Variants in NNMT observed in about 807,000 individuals in gnomAD.
NNMT encodes nicotinamide N-methyltransferase.
In NNMT, 10 loss-of-function variants were observed where a neutral mutation model predicts 11.7. That is an observed-to-expected ratio of 0.85 (90% CI 0.53 to 1.45). NNMT has a LOEUF of 1.45. NNMT is among the 40% of genes most tolerant of loss of function. The pLI, the probability that NNMT is intolerant of heterozygous loss-of-function variation, is 0.00. For synonymous variants in NNMT, 143 were observed against 133.8 expected, an observed-to-expected ratio of 1.07 and a Z score of -0.48; for missense variants, 381 against 319.4, an observed-to-expected ratio of 1.19 and a Z score of -1.47.
chr11:114,288,469 G>A (rs903563703), intron 2 of NNMT, among the ~76,000 whole-genome samples: 1 of 151,606 alleles, frequency 6.6e-6, no homozygotes, highest in Non-Finnish European at 1.5e-5. Context: ...TCTGTTGAAT[G>A]GATCAGAAGA....
At chr11:114,286,082 C>T (rs766080145) in intron 2 of NNMT, among the ~76,000 whole-genome samples, 4 of 152,140 alleles carry the variant, frequency 2.6e-5, no homozygotes, top group Admixed American at 6.5e-5. Context: ...TTGCAGAGAT[C>T]GTTGTTTATC....
upstream of NNMT, among the ~76,000 whole-genome samples, chr11:114,293,383 A>G (rs1322338997): frequency 1.3e-5 from 2 of 152,118 alleles, no homozygotes; most frequent in Non-Finnish European, 1.5e-5. Flanking sequence ...GAGCAGGATC[A>G]ATGACTGATC....
intron 2 of NNMT, among the ~76,000 whole-genome samples, chr11:114,301,368 A>C (rs1022341790): frequency 1.3e-5 from 2 of 152,242 alleles, no homozygotes; most frequent in African/African-American, 4.8e-5. Context: ...GGAAGCAACC[A>C]AGATGTCTTT....
intron 2 of NNMT, among the ~76,000 whole-genome samples, chr11:114,264,790 T>G (rs1271819990): frequency 1.3e-5 from 2 of 152,230 alleles, no homozygotes; most frequent in Non-Finnish European, 2.9e-5. Context: ...TAGGGAAACA[T>G]CTACATTTAC....
intron 2 of NNMT, 70 bp downstream of exon 2, chr11:114,298,228 A>G: frequency 7.5e-7 from 1 of 1,334,840 alleles, no homozygotes; most frequent in Non-Finnish European, 1.1e-6. Context: ...AGCAACAGAC[A>G]GATAGGGACC....
At chr11:114,302,223 G>T (rs751198883) in intron 2 of NNMT, among the ~76,000 whole-genome samples, 1 of 152,026 alleles carries the variant, frequency 6.6e-6, no homozygotes, top group African/African-American at 2.4e-5. Flanking sequence ...CCATCTGATT[G>T]TTGTTCACCT....
At chr11:114,306,525 A>G (rs1259551487) in intron 2 of NNMT, among the ~76,000 whole-genome samples, 1 of 152,154 alleles carries the variant, frequency 6.6e-6, no homozygotes, top group Non-Finnish European at 1.5e-5. Context: ...TAATTTTTGC[A>G]TAAGGTGTAA....
chr11:114,263,164 C>T (rs1262365398), intron 2 of NNMT, among the ~76,000 whole-genome samples: 1 of 152,188 alleles, frequency 6.6e-6, no homozygotes, highest in African/African-American at 2.4e-5. Context: ...CCTGAATTCT[C>T]TGGCACAGCT....
chr11:114,283,052 G>A (rs1471972814), intron 2 of NNMT, among the ~76,000 whole-genome samples: 2 of 152,158 alleles, frequency 1.3e-5, no homozygotes, highest in Non-Finnish European at 2.9e-5. Context: ...CCGATACAGG[G>A]AACCTCATGC....
At chr11:114,261,288 A>G (rs1945078321) in intron 1 of NNMT, among the ~76,000 whole-genome samples, 2 of 152,114 alleles carry the variant, frequency 1.3e-5, no homozygotes, top group African/African-American at 4.8e-5. Flanking sequence ...ATCCCCTTAA[A>G]AGCTGCCTTG....
At chr11:114,287,963 A>T (rs1459709521) in intron 2 of NNMT, among the ~76,000 whole-genome samples, 3 of 152,024 alleles carry the variant, frequency 2.0e-5, no homozygotes, top group African/African-American at 7.2e-5. Flanking sequence ...AGTTTGCTGG[A>T]TTTATTCTTA....
intron 2 of NNMT, among the ~76,000 whole-genome samples, chr11:114,301,622 ATAAATAGG>A (rs1443969968): frequency 6.6e-6 from 1 of 152,084 alleles, no homozygotes; most frequent in Non-Finnish European, 1.5e-5. Flanking sequence ...GGAGGGAGAG[ATAAATAGG>A]TGGAGTATAG....
chr11:114,308,258 C>T (rs1469103952), intron 2 of NNMT, among the ~76,000 whole-genome samples: 1 of 152,194 alleles, frequency 6.6e-6, no homozygotes, highest in East Asian at 1.9e-4. Flanking sequence ...GACCTCCACG[C>T]TTACTTAGCC....
At chr11:114,261,121 C>G (rs117413162) in intron 1 of NNMT, among the ~76,000 whole-genome samples, 1 of 152,298 alleles carries the variant, frequency 6.6e-6, no homozygotes, top group Non-Finnish European at 1.5e-5. Context: ...ACATTTATTT[C>G]CAGAACAGGA....
At chr11:114,295,661 C>T (rs907528066), upstream of NNMT, among the ~76,000 whole-genome samples, 1 of 152,014 alleles carries the variant, frequency 6.6e-6, no homozygotes, top group Non-Finnish European at 1.5e-5. Context: ...GATCTCCTGA[C>T]CTCGTGATCT....
At position 114,258,773 on chromosome 11, in the gene NNMT, G is replaced by A. The variant is rs111956586; in HGVS notation, c.-217+895G>A. 7.6e-4 allele frequency among the ~76,000 whole-genome samples: 115 copies of A among 152,290 alleles called. 1 individual carries two copies. Among genetic ancestry groups the A allele is most frequent in the Admixed American group, 1.8e-3 (27 of 15,308 alleles). On this transcript the variant is annotated intron_variant, in intron 1 of 4. Coordinates refer to the NNMT transcript ENST00000535401. Reference sequence around the variant, plus strand: ...GAGCCCCTGCTCAGCACCCAACTTCGTCTTAAGATCACTCTTGAGCCCCTC... The same window carrying A: ...GAGCCCCTGCTCAGCACCCAACTTCATCTTAAGATCACTCTTGAGCCCCTC...
chr11:114,288,128 A>G (rs1237992268), intron 2 of NNMT, among the ~76,000 whole-genome samples: 1 of 152,134 alleles, frequency 6.6e-6, no homozygotes, highest in Non-Finnish European at 1.5e-5. Context: ...CTTGTAGATT[A>G]TTTTTCATTC....
At chr11:114,309,018 C>T (rs548453079) in intron 2 of NNMT, among the ~76,000 whole-genome samples, 26 of 152,252 alleles carry the variant, frequency 1.7e-4, no homozygotes, top group Non-Finnish European at 3.8e-4. Context: ...TAGCTTAATA[C>T]GCAATAGGGC....
intron 2 of NNMT, among the ~76,000 whole-genome samples, chr11:114,278,594 G>A (rs1469413662): frequency 1.3e-5 from 2 of 151,424 alleles, no homozygotes; most frequent in East Asian, 3.9e-4. Flanking sequence ...GTAGGGGTGG[G>A]AGGTGGACCT....
Sources: gnomAD v4.1 joint callset for allele counts (sites outside exome capture counted in the v4.1 genomes callset) on GRCh38, gnomAD v4.1.1 for gene constraint, MANE v1.5 for transcripts, NCBI Gene and HGNC (gene_info 2026-07-23, HGNC 2026-07-21) for gene names.